TRAF3IP2: variants seen among roughly 807,000 people sequenced by gnomAD.
TRAF3IP2 encodes the protein E3 ubiquitin ligase TRAF3IP2.
Under a neutral mutation model 57.9 loss-of-function variants are expected in TRAF3IP2, and 35 were observed. That is an observed-to-expected ratio of 0.60 (90% confidence interval 0.46 to 0.80). The LOEUF (loss-of-function observed/expected upper bound fraction) is 0.80. Among genes scored for constraint, TRAF3IP2 ranks in the 30% least tolerant of loss-of-function variants. The pLI is 0.00. For missense variants in TRAF3IP2, 556 were observed against 706.4 expected, an observed-to-expected ratio of 0.79 and a Z score of 2.41; for synonymous variants, 251 against 268.9, an observed-to-expected ratio of 0.93 and a Z score of 0.65.
rs546158879 is a variant in TRAF3IP2, at chr6:111,567,113, C to T, written c.1359+511G>A. ...CCAAAAGAAGCAGCCGACACGGACA[C>T]GCTGGCAGCAATCAATTTCGATCTT... On this transcript the variant is annotated intron_variant, in intron 6 of 8. Coordinates refer to ENST00000368761, the MANE Select transcript of TRAF3IP2 (RefSeq NM_147686.4). The T allele has an allele frequency of 2.1e-4, 198 of 936,464 alleles. No individual in the cohort carries two copies. In the African/African-American group the frequency reaches 2.9e-3, roughly 14 times the overall value. 58.0% of individuals were successfully genotyped at this position (936,464 alleles called of 1,614,324 possible). A position where few individuals can be genotyped will look rare whatever the true frequency, so the allele number is the denominator to read the frequency against.
chr6:111,573,219 A>G lies in TRAF3IP2; in HGVS notation c.1202-236T>C, dbSNP rs61149152. Among the ~76,000 whole-genome samples, 1,243 of 152,286 alleles carry G rather than the reference A, an allele frequency of 8.2e-3. 26 individuals carry two copies. The highest frequency in any genetic ancestry group is 0.069 in the East Asian group (357 of 5,180). Reference sequence around the variant, plus strand: ...TGCAGACTGCTCAGCGTGAATGGAAATCAGAGCGACAGAGGAGAGCACTGG... The same window carrying G: ...TGCAGACTGCTCAGCGTGAATGGAAGTCAGAGCGACAGAGGAGAGCACTGG... On this transcript the variant is annotated intron_variant, in intron 4 of 8. Transcript: ENST00000368761.
chr6:111,591,236 AGAG>A lies in TRAF3IP2; in HGVS notation c.829+19_829+21del. On this transcript the variant is annotated intron_variant, in intron 2 of 8. Coordinates refer to ENST00000368761, the MANE Select transcript of TRAF3IP2 (RefSeq NM_147686.4). The surrounding 1 kb of genome is among the most constrained non-coding windows in gnomAD (Gnocchi z 4.9). ...TTCAGTCACCCAGCCCAGAATGCCC[AGAG>A]GAGGTAAAGATCACTTACATGGCAC... is the stretch of plus-strand genomic sequence containing the variant. 1.4e-6 allele frequency: 2 copies of A among 1,467,214 alleles called. No homozygotes were observed. Among genetic ancestry groups the A allele is most frequent in the South Asian group, 1.6e-5 (1 of 60,626 alleles). The allele number at this position is 1,467,214 out of a possible 1,614,324, so 90.9% of individuals were successfully genotyped here.
At chr6:111,585,334 C>CAAAAAAAAAA (rs66486925) in intron 2 of TRAF3IP2, among the ~76,000 whole-genome samples, 1 of 146,442 alleles carries the variant, frequency 6.8e-6, no homozygotes. Flanking sequence ...CCTCCCAGGC[C>CAAAAAAAAAA]AAAAAAAAAA....
Position 111,559,467 on chromosome 6 carries a change from C to T in TRAF3IP2, c.1636G>A (p.Glu546Lys). 4 of 1,614,118 alleles carry T rather than the reference C, an allele frequency of 2.5e-6. No homozygotes were observed. The highest frequency in any genetic ancestry group is 3.4e-6 in the Non-Finnish European group (4 of 1,179,968). ...CGTGGAGGAGCCACATACTCTTCCT[C>T]TCTCAGCAGCCGCAGCAGGATGTTT... ...KKNILLRLLR[E>K]EEYVAPPRGP... Residue 546 changes from glutamate to lysine, a missense_variant, in exon 9 of 9, where the codon GAG (glutamate) becomes AAG (lysine). Glu to Lys is a moderately conservative substitution (Grantham distance 56). Around this residue, in one of 2 missense-constraint regions of TRAF3IP2, gnomAD observed 128 missense variants for 207.7 expected, o/e 0.62. Coordinates refer to ENST00000368761, the MANE Select transcript of TRAF3IP2 (RefSeq NM_147686.4).
In TRAF3IP2 at chr6:111,591,845, G is replaced by A. The variant is rs1796532864; in HGVS notation, c.242C>T (p.Thr81Ile). The A allele has an allele frequency of 5.6e-6, 9 of 1,614,238 alleles. No individual in the cohort carries two copies. The highest frequency in any genetic ancestry group is 7.6e-6 in the Non-Finnish European group (9 of 1,180,042). The change falls in exon 2 of 9, where the codon ACC becomes ATC. Residue 81 changes from threonine to isoleucine, a missense_variant. Around this residue, in one of 2 missense-constraint regions of TRAF3IP2, gnomAD observed 428 missense variants for 498.7 expected, o/e 0.86. Coordinates refer to ENST00000368761, the MANE Select transcript of TRAF3IP2 (RefSeq NM_147686.4). This position sits in a 1 kb window ranked among gnomAD's most constrained non-coding sequence, Gnocchi z 4.9. ...CTCCAGAACTTGAGTGCGCAGGCAG[G>A]TGACCTGCCGGGATACAGGCCGCTG... The part of the protein sequence containing the change: ...NHQRPVSRQV[T>I]CLRTQVLEDS...
chr6:111,596,700 C>T (rs1001673598), intron 1 of TRAF3IP2, among the ~76,000 whole-genome samples: 1 of 152,166 alleles, frequency 6.6e-6, no homozygotes, highest in African/African-American at 2.4e-5. Flanking sequence ...GTGATCCGCC[C>T]GCTTCGGCCT....
intron 3 of TRAF3IP2, among the ~76,000 whole-genome samples, chr6:111,577,325 C>T (rs1266146408): frequency 6.6e-6 from 1 of 152,036 alleles, no homozygotes; most frequent in Non-Finnish European, 1.5e-5. Context: ...AAAACAATAC[C>T]ATGGAAATTA....
intron 8 of TRAF3IP2, among the ~76,000 whole-genome samples, chr6:111,562,502 G>C (rs992952898): frequency 4.0e-4 from 61 of 152,270 alleles, no homozygotes; most frequent in African/African-American, 1.4e-3. Flanking sequence ...TGAACTGAGT[G>C]GTACAACTTG....
intron 1 of TRAF3IP2, among the ~76,000 whole-genome samples, chr6:111,594,070 G>A (rs1017964659): frequency 6.8e-6 from 1 of 147,376 alleles, no homozygotes; most frequent in Non-Finnish European, 1.5e-5. Context: ...GGTGGAGGTT[G>A]CAGTGAGCTG....
intron 2 of TRAF3IP2, among the ~76,000 whole-genome samples, chr6:111,588,108 A>G (rs1228594405): frequency 6.6e-6 from 1 of 152,172 alleles, no homozygotes; most frequent in Non-Finnish European, 1.5e-5. Context: ...ATGTTGTCCA[A>G]AGTTTTTATT....
At chr6:111,605,087 T>G (rs80239008) in intron 1 of TRAF3IP2, among the ~76,000 whole-genome samples, 1 of 148,372 alleles carries the variant, frequency 6.7e-6, no homozygotes, top group Non-Finnish European at 1.5e-5. Flanking sequence ...CCTGTTCCTT[T>G]AAAAAAAAAA....
chr6:111,597,048 G>A (rs768719071), intron 1 of TRAF3IP2, among the ~76,000 whole-genome samples: 35 of 152,216 alleles, frequency 2.3e-4, no homozygotes, highest in Non-Finnish European at 3.2e-4. Flanking sequence ...CCATGTAGCC[G>A]GATCAGTGAC....
intron 5 of TRAF3IP2, among the ~76,000 whole-genome samples, chr6:111,571,930 A>G (rs79067623): frequency 2.6e-5 from 4 of 151,846 alleles, no homozygotes; most frequent in Non-Finnish European, 5.9e-5. Context: ...AAAAAAAAAA[A>G]TTATCTTATA....
intron 1 of TRAF3IP2, chr6:111,599,784 G>A (rs1176375288): frequency 6.6e-6 from 1 of 152,202 alleles, no homozygotes; most frequent in Non-Finnish European, 1.5e-5. Flanking sequence ...CGTGGCCTGT[G>A]TGGGAAGCAA....
chr6:111,588,887 T>G (rs1033381654), intron 2 of TRAF3IP2, among the ~76,000 whole-genome samples: 27 of 152,296 alleles, frequency 1.8e-4, no homozygotes, highest in South Asian at 6.2e-4. Context: ...CACTGAAAAC[T>G]ATTTTAATTT....
rs888194242 is a variant in TRAF3IP2, at chr6:111,556,173, T to G, written c.*3232A>C. 6.6e-5 allele frequency among the ~76,000 whole-genome samples: 10 copies of G among 151,956 alleles called. No homozygotes were observed. The highest frequency in any genetic ancestry group is 2.4e-4 in the African/African-American group (10 of 41,364). On this transcript the variant is annotated 3_prime_UTR_variant, in exon 9 of 9. Transcript: ENST00000368761. ...CTCATAGAAATTTCAGGGGCCAAGC[T>G]TTTGTCACTTGGCCAAGTGCGTGTG...
At chr6:111,573,427 C>G (rs1419938039) in intron 4 of TRAF3IP2, 1 of 155,682 alleles carries the variant, frequency 6.4e-6, no homozygotes, top group East Asian at 1.9e-4. Context: ...CTGATGCTCT[C>G]TGCTGCCCTG....
Position 111,594,989 on chromosome 6 carries a change from T to G in TRAF3IP2, c.-8-2895A>C, listed in dbSNP as rs555234767. Among the ~76,000 whole-genome samples, 5 of 152,348 alleles carry G rather than the reference T, an allele frequency of 3.3e-5. No homozygotes were observed. The South Asian group carries it at 1.0e-3, about 32-fold the overall frequency. ...GCTAATGCCTATAGTCCCAACACTTTGGAAGGCCAAGGTGGGTGGATCACC... is the reference window on the plus strand; with the variant it reads ...GCTAATGCCTATAGTCCCAACACTTGGGAAGGCCAAGGTGGGTGGATCACC... On this transcript the variant is annotated intron_variant, in intron 1 of 8. Transcript: ENST00000368761.
chr6:111,570,014 T>C (rs1203144855), intron 5 of TRAF3IP2, among the ~76,000 whole-genome samples: 1 of 152,144 alleles, frequency 6.6e-6, no homozygotes, highest in Admixed American at 6.5e-5. Flanking sequence ...TGTGACTGTA[T>C]TTGGAGACAG....
Sources: gnomAD v4.1 joint callset for allele counts (sites outside exome capture counted in the v4.1 genomes callset) on GRCh38, gnomAD v4.1.1 for gene constraint, gnomAD v4.1.1 regional missense constraint, Gnocchi (gnomAD v3.1) non-coding constraint, MANE v1.5 for transcripts, NCBI Gene and HGNC (gene_info 2026-07-23, HGNC 2026-07-21) for gene names.